The following FAM163A variants were observed in gnomAD, a reference collection of about 807,000 sequenced individuals.
FAM163A encodes the protein family with sequence similarity 163 member A, also known as protein FAM163A.
A neutral mutation model predicts 12.0 loss-of-function variants in FAM163A; 7 were observed. That is an observed-to-expected ratio of 0.58 (90% confidence interval 0.33 to 1.10). The LOEUF is 1.10. FAM163A is among the 50% of genes least tolerant of loss of function. The probability of loss-of-function intolerance (pLI) is 0.03; values close to 1 mark genes in which losing one functional copy is unlikely to be tolerated. For missense variants in FAM163A, 202 were observed against 218.6 expected (o/e 0.92, Z 0.48); for synonymous variants, 101 against 91.0 (o/e 1.11, Z -0.62).
chr1:179,742,509 A>C (rs1160327944), upstream of FAM163A: 1 of 152,236 alleles, frequency 6.6e-6, no homozygotes, highest in African/African-American at 2.4e-5. Flanking sequence ...TCAGACCGGA[A>C]CAGGTAAACG....
At chr1:179,744,786 G>A (rs891299152) in intron 1 of FAM163A, among the ~76,000 whole-genome samples, 2 of 152,222 alleles carry the variant, frequency 1.3e-5, no homozygotes, top group African/African-American at 4.8e-5. Flanking sequence ...GCCGCAGCGT[G>A]GCTGGCAGGA....
intron 1 of FAM163A, among the ~76,000 whole-genome samples, chr1:179,792,894 AT>A (rs1691724281): frequency 6.6e-6 from 1 of 151,120 alleles, no homozygotes; most frequent in African/African-American, 2.4e-5. Flanking sequence ...ATATATATAT[AT>A]AATAAAATAC....
chr1:179,752,901 A>G (rs10913877), intron 1 of FAM163A, among the ~76,000 whole-genome samples: 36,103 of 152,044 alleles, frequency 0.24, 4,944 homozygotes, highest in East Asian at 0.63. Flanking sequence ...TTCTCAAAAA[A>G]TTAAAAATAA....
At chr1:179,803,250 C>T (rs1437931641) in intron 1 of FAM163A, among the ~76,000 whole-genome samples, 1 of 152,198 alleles carries the variant, frequency 6.6e-6, no homozygotes, top group Non-Finnish European at 1.5e-5. Context: ...TTGAGATCAG[C>T]TGGTGCTTAG....
chr1:179,793,461 G>A (rs993998697), intron 1 of FAM163A, among the ~76,000 whole-genome samples: 3 of 152,196 alleles, frequency 2.0e-5, no homozygotes, highest in East Asian at 1.9e-4. Context: ...AAGTATGTGC[G>A]TGGTGAAAGC....
chr1:179,741,854 T>C (rs1209170479), upstream of FAM163A, among the ~76,000 whole-genome samples: 1 of 152,150 alleles, frequency 6.6e-6, no homozygotes, highest in East Asian at 1.9e-4. Context: ...TGGAAGGGAA[T>C]TGGTGGAGCA....
At chr1:179,752,951 A>T (rs1163732846) in intron 1 of FAM163A, among the ~76,000 whole-genome samples, 1 of 152,226 alleles carries the variant, frequency 6.6e-6, no homozygotes, top group Non-Finnish European at 1.5e-5. Flanking sequence ...CTGGGTATTT[A>T]TCCAAAAGAA....
chr1:179,766,715 A>T (rs961611398), intron 1 of FAM163A, among the ~76,000 whole-genome samples: 2 of 151,088 alleles, frequency 1.3e-5, no homozygotes, highest in Admixed American at 1.3e-4. Context: ...ATGGCCCCTC[A>T]CATTTGAGAT....
At chr1:179,789,313 C>G (rs981302411) in intron 1 of FAM163A, among the ~76,000 whole-genome samples, 1 of 152,162 alleles carries the variant, frequency 6.6e-6, no homozygotes, top group African/African-American at 2.4e-5. Flanking sequence ...TCCCAAGTAT[C>G]TGGGATTACA....
intron 1 of FAM163A, among the ~76,000 whole-genome samples, chr1:179,759,292 C>T (rs1480451643): frequency 6.6e-6 from 1 of 152,014 alleles, no homozygotes; most frequent in Admixed American, 6.5e-5. Flanking sequence ...AATCACCTCC[C>T]CACTCCCATC....
chr1:179,796,307 A>G (rs1415640156), intron 1 of FAM163A, among the ~76,000 whole-genome samples: 2 of 152,096 alleles, frequency 1.3e-5, no homozygotes. Flanking sequence ...CTCATTTATA[A>G]TTACAACTCA....
intron 1 of FAM163A, among the ~76,000 whole-genome samples, chr1:179,747,701 C>T (rs1222619099): frequency 6.6e-6 from 1 of 152,220 alleles, no homozygotes; most frequent in Non-Finnish European, 1.5e-5. Flanking sequence ...AGCACAGGCG[C>T]AACTGCATCA....
rs117676069 is a variant in FAM163A, at chr1:179,810,565, A to G, written c.-44-1545A>G. Among the ~76,000 whole-genome samples, 107 of 152,252 alleles carry G rather than the reference A, an allele frequency of 7.0e-4. 2 individuals carry two copies. In the East Asian group the frequency reaches 0.019, roughly 27 times the overall value. ...CCCTCCCCACCTTGTCTACTGGATA[A>G]GCTTTCACTCAGCTTTTAGGATTCA... On this transcript the variant is annotated intron_variant, in intron 2 of 4. Transcript: ENST00000341785.
chr1:179,798,239 A>T (rs767988201), intron 1 of FAM163A, among the ~76,000 whole-genome samples: 3 of 152,172 alleles, frequency 2.0e-5, no homozygotes, highest in Non-Finnish European at 4.4e-5. Context: ...AAAGAATATA[A>T]GGCATGTGTT....
At chr1:179,739,404 A>G (rs973334919), upstream of FAM163A, among the ~76,000 whole-genome samples, 1 of 152,226 alleles carries the variant, frequency 6.6e-6, no homozygotes, top group Non-Finnish European at 1.5e-5. Flanking sequence ...CACAGATCTG[A>G]AAAAGGACCA....
chr1:179,771,419 T>C (rs1413946653), intron 1 of FAM163A, among the ~76,000 whole-genome samples: 5 of 152,208 alleles, frequency 3.3e-5, no homozygotes, highest in African/African-American at 1.2e-4. Context: ...GTTCTCTCCT[T>C]TGCAGAGTTT....
chr1:179,796,746 G>A (rs1475105628), intron 1 of FAM163A, among the ~76,000 whole-genome samples: 1 of 152,200 alleles, frequency 6.6e-6, no homozygotes, highest in East Asian at 1.9e-4. Context: ...AAGATGAGCT[G>A]GTGGACACCG....
At chr1:179,765,589 T>C (rs1687375571) in intron 1 of FAM163A, among the ~76,000 whole-genome samples, 1 of 151,868 alleles carries the variant, frequency 6.6e-6, no homozygotes, top group African/African-American at 2.4e-5. Context: ...CATCGGGGCA[T>C]GAAAGGTCTG....
Position 179,813,809 on chromosome 1 carries a change from G to C in FAM163A, c.124G>C (p.Val42Leu), listed in dbSNP as rs762728306. 3 of 1,613,984 alleles carry C rather than the reference G, an allele frequency of 1.9e-6. No homozygotes were observed. Among genetic ancestry groups the C allele is most frequent in the Non-Finnish European group, 2.5e-6 (3 of 1,180,028 alleles). The change falls in exon 5 of 5, where the codon GTT becomes CTT. Residue 42 changes from valine (V) to leucine (L), a missense_variant. Coordinates refer to ENST00000341785, the MANE Select transcript of FAM163A (RefSeq NM_173509.3). ...YYCCKKSGTE[V>L]ADEEEEREHD... is the part of the protein sequence containing the mutation. ...CTGCTGCAAGAAGAGCGGAACCGAG[G>C]TTGCAGACGAGGAGGAGGAGCGGGA...
Sources: allele counts gnomAD v4.1 joint callset (sites outside exome capture counted in the v4.1 genomes callset), GRCh38; gene constraint gnomAD v4.1.1; transcripts MANE v1.5; gene names NCBI Gene and HGNC (gene_info 2026-07-23, HGNC 2026-07-21).